The following PTBP3 variants were observed in gnomAD, a reference collection of about 807,000 sequenced individuals.
The protein encoded by PTBP3 is polypyrimidine tract binding protein 3.
A neutral mutation model predicts 58.7 loss-of-function variants in PTBP3; 20 were observed. The observed-to-expected ratio is 0.34, with a 90% CI of 0.24 to 0.50. The LOEUF is 0.50. PTBP3 is among the 20% of genes least tolerant of loss of function. The pLI, the probability that PTBP3 is intolerant of heterozygous loss-of-function variation, is 0.98. For synonymous variants in PTBP3, 185 were observed against 219.8 expected (o/e 0.84, Z 1.40); for missense variants, 509 against 637.2 (o/e 0.80, Z 2.17).
At chr9:112,236,308 T>C (rs540316357) in intron 7 of PTBP3, among the ~76,000 whole-genome samples, 30 of 151,642 alleles carry the variant, frequency 2.0e-4, no homozygotes, top group Admixed American at 3.9e-4. Flanking sequence ...GAAGGGAGAG[T>C]GAAATCCATT....
intron 1 of PTBP3, among the ~76,000 whole-genome samples, chr9:112,316,678 G>A (rs1015202382): frequency 4.6e-5 from 7 of 152,336 alleles, no homozygotes; most frequent in Admixed American, 6.5e-5. Context: ...AGTGGCTCAC[G>A]CCTGTAATCC....
Position 112,313,654 on chromosome 9 carries a change from A to C in PTBP3, c.-51-15738T>G, listed in dbSNP as rs776614058. Among the ~76,000 whole-genome samples, 3 of 152,172 alleles carry C rather than the reference A, an allele frequency of 2.0e-5. No individual in the cohort carries two copies. In the East Asian group the frequency reaches 5.8e-4, roughly 29 times the overall value. ...GTTGCTGGCAGGACTCAGTTTGTAC[A>C]TGGGCCTGTCCATAAGATAACTTAC... On this transcript the variant is annotated intron_variant, in intron 1 of 13. Coordinates refer to ENST00000374257, the MANE Select transcript of PTBP3 (RefSeq NM_001163788.4).
chr9:112,261,997 G>C (rs901649176), intron 5 of PTBP3, among the ~76,000 whole-genome samples: 7 of 152,122 alleles, frequency 4.6e-5, no homozygotes, highest in Admixed American at 3.3e-4. Context: ...TTGGGCATCA[G>C]TCAATATTTA....
chr9:112,348,475 C>A, the PTBP3 span, among the ~76,000 whole-genome samples: 47 of 152,202 alleles, frequency 3.1e-4, no homozygotes, highest in Non-Finnish European at 5.9e-4. Context: ...GAAAAAAATG[C>A]CTCAGATGAG....
the PTBP3 span, among the ~76,000 whole-genome samples, chr9:112,357,422 C>T: frequency 6.6e-6 from 1 of 152,166 alleles, no homozygotes; most frequent in Non-Finnish European, 1.5e-5. Flanking sequence ...GCAATCACAG[C>T]TCACTGCAGC....
At chr9:112,289,124 A>G (rs1364414198) in intron 2 of PTBP3, among the ~76,000 whole-genome samples, 1 of 152,242 alleles carries the variant, frequency 6.6e-6, no homozygotes, top group East Asian at 1.9e-4. Flanking sequence ...GTAAACAAAA[A>G]TGATACGCGC....
chr9:112,256,912 A>G (rs1341216096), intron 5 of PTBP3, among the ~76,000 whole-genome samples: 2 of 152,090 alleles, frequency 1.3e-5, no homozygotes, highest in Non-Finnish European at 2.9e-5. Context: ...GAAGTCAGCA[A>G]TTTCAAAAAA....
At chr9:112,235,854 A>G (rs1162310497) in intron 7 of PTBP3, among the ~76,000 whole-genome samples, 1 of 152,208 alleles carries the variant, frequency 6.6e-6, no homozygotes, top group African/African-American at 2.4e-5. Flanking sequence ...GAAAAGAGGA[A>G]GAGACTAGCC....
chr9:112,359,623 T>A, the PTBP3 span, among the ~76,000 whole-genome samples: 1 of 152,064 alleles, frequency 6.6e-6, no homozygotes, highest in Non-Finnish European at 1.5e-5. Context: ...GGCCAACATG[T>A]TGAAACCCCG....
intron 2 of PTBP3, among the ~76,000 whole-genome samples, chr9:112,284,243 G>A (rs1015108561): frequency 1.3e-5 from 2 of 151,130 alleles, no homozygotes; most frequent in African/African-American, 4.8e-5. Context: ...AAAGCCACAG[G>A]TACTCAACAC....
At chr9:112,314,450 C>CTT (rs147677100) in intron 1 of PTBP3, among the ~76,000 whole-genome samples, 1,799 of 152,276 alleles carry the variant, frequency 0.012, 36 homozygotes, top group African/African-American at 0.04. Flanking sequence ...AATCCCAGCA[C>CTT]TTTGAGAGGT....
chr9:112,240,607 T>C (rs1251763643), intron 7 of PTBP3, among the ~76,000 whole-genome samples: 1 of 151,138 alleles, frequency 6.6e-6, no homozygotes, highest in South Asian at 2.1e-4. Context: ...GTATATACTA[T>C]ACTATACTTT....
intron 1 of PTBP3, among the ~76,000 whole-genome samples, chr9:112,308,618 T>TG (rs1829339227): frequency 6.6e-6 from 1 of 151,988 alleles, no homozygotes; most frequent in Non-Finnish European, 1.5e-5. Flanking sequence ...AAGGAAAACT[T>TG]GGACAAGTGA....
the PTBP3 span, among the ~76,000 whole-genome samples, chr9:112,343,422 A>G: frequency 6.6e-6 from 1 of 152,036 alleles, no homozygotes; most frequent in African/African-American, 2.4e-5. Context: ...TTTCACTACC[A>G]CTACAAGCGT....
At chr9:112,270,811 CT>C (rs1827352024) in intron 3 of PTBP3, among the ~76,000 whole-genome samples, 1 of 152,030 alleles carries the variant, frequency 6.6e-6, no homozygotes, top group Non-Finnish European at 1.5e-5. Context: ...GCTTAGGTTC[CT>C]TTTTTTGTAT....
At chr9:112,320,291 A>AAAAAAAT (rs1411646280) in intron 1 of PTBP3, among the ~76,000 whole-genome samples, 58 of 73,532 alleles carry the variant, frequency 7.9e-4, no homozygotes, top group Non-Finnish European at 1.1e-3. Flanking sequence ...AAAAAAAAAA[A>AAAAAAAT]ATATATATAT....
intron 1 of PTBP3, among the ~76,000 whole-genome samples, chr9:112,305,919 G>A (rs948906636): frequency 1.1e-4 from 16 of 152,002 alleles, no homozygotes; most frequent in African/African-American, 1.7e-4. Context: ...CAGCCTGGGC[G>A]ACAGAGCGAG....
At chr9:112,356,604 C>T in the PTBP3 span, among the ~76,000 whole-genome samples, 2 of 148,716 alleles carry the variant, frequency 1.3e-5, no homozygotes, top group Admixed American at 1.3e-4. Context: ...TGGTGAAATA[C>T]AGCTTGATCC....
At chr9:112,238,876 G>C (rs955363475) in intron 7 of PTBP3, among the ~76,000 whole-genome samples, 2 of 152,120 alleles carry the variant, frequency 1.3e-5, no homozygotes, top group African/African-American at 4.8e-5. Flanking sequence ...CTTCAAATAT[G>C]TTACCACAGA....
Sources: gnomAD v4.1 joint callset for allele counts (sites outside exome capture counted in the v4.1 genomes callset) on GRCh38, gnomAD v4.1.1 for gene constraint, MANE v1.5 for transcripts, NCBI Gene and HGNC (gene_info 2026-07-23, HGNC 2026-07-21) for gene names.